Variants in ZNF106 observed in about 807,000 individuals in gnomAD.
The protein encoded by ZNF106 is zinc finger protein 106.
Under a neutral mutation model 195.1 loss-of-function variants are expected in ZNF106, and 67 were observed. The ratio of observed to expected loss-of-function variants is 0.34; its 90% CI spans 0.28 to 0.42. The LOEUF (loss-of-function observed/expected upper bound fraction) is 0.42, where lower values mean the gene tolerates loss of function less well. ZNF106 is among the 10% of genes least tolerant of loss of function. The pLI is 1.00. For synonymous variants in ZNF106, 784 were observed against 818.6 expected, an observed-to-expected ratio of 0.96 and a Z score of 0.72; for missense variants, 2,118 against 2,304.5, an observed-to-expected ratio of 0.92 and a Z score of 1.66.
At position 42,424,009 on chromosome 15, in the gene ZNF106, G is replaced by A. The variant is rs755374835; in HGVS notation, c.5242C>T (p.His1748Tyr). The A allele has an allele frequency of 4.3e-6, 7 of 1,611,994 alleles. No homozygotes were observed. The East Asian group carries it at 1.3e-4, about 31-fold the overall frequency. ...SGSSDQSVHA[H>Y]NIHTGELVRI... is the part of the protein sequence containing the mutation. Reference sequence around the variant, plus strand: ...CCAACACAGCTTACGTGAATGTTGTGAGCATGGACTGACTGATCACTGGAG... The same window carrying A: ...CCAACACAGCTTACGTGAATGTTGTAAGCATGGACTGACTGATCACTGGAG... The change falls in exon 17 of 22, where the codon CAC becomes TAC. Residue 1748 changes from histidine (H) to tyrosine (Y), a missense_variant. Physicochemically the swap from His to Tyr is moderately conservative, Grantham distance 83. Transcript: ENST00000564754.
At chr15:42,435,294 T>C in intron 14 of ZNF106, 90 bp downstream of exon 14, 1 of 1,546,252 alleles carries the variant, frequency 6.5e-7, no homozygotes, top group South Asian at 1.2e-5. Context: ...GTGGGTAGAA[T>C]GAAGCGTCTG....
intron 15 of ZNF106, 197 bp downstream of exon 15, chr15:42,427,821 A>G (rs2141277945): frequency 2.3e-6 from 1 of 427,314 alleles, no homozygotes; most frequent in East Asian, 3.6e-5. Flanking sequence ...TGGTCCTGGA[A>G]CATTTGAGTA....
intron 13 of ZNF106, 109 bp downstream of exon 13, chr15:42,437,123 C>T: frequency 8.4e-7 from 1 of 1,190,242 alleles, no homozygotes; most frequent in Admixed American, 2.4e-5. Flanking sequence ...ATCTCAGGCC[C>T]ACCCCTTCCT....
intron 1 of ZNF106, among the ~76,000 whole-genome samples, chr15:42,487,490 CAAAA>C (rs961444853): frequency 2.2e-5 from 1 of 44,724 alleles, no homozygotes; most frequent in Non-Finnish European, 4.1e-5. Flanking sequence ...GACCCTGTCT[CAAAA>C]AAAAAAAAAA....
In ZNF106 at chr15:42,413,824, A is replaced by C. The variant is rs28364557; in HGVS notation, c.*3480T>G. The C allele has an allele frequency of 6.6e-6, 1 of 152,256 alleles. No homozygotes were observed. The highest frequency in any genetic ancestry group is 2.1e-4 in the South Asian group (1 of 4,834). The allele number at this position is 152,256 out of a possible 1,614,324, so 9.4% of individuals were successfully genotyped here. ...TGACTTTCTCTCAGATTCAAGTAACATCAGGTCAAGATAACCTTTGCTGTT... is the reference window on the plus strand; with the variant it reads ...TGACTTTCTCTCAGATTCAAGTAACCTCAGGTCAAGATAACCTTTGCTGTT... On this transcript the variant is annotated 3_prime_UTR_variant, in exon 22 of 22. Transcript: ENST00000564754.
intron 1 of ZNF106, among the ~76,000 whole-genome samples, 194 bp downstream of exon 1, chr15:42,490,786 G>A (rs1435168663): frequency 6.6e-6 from 1 of 152,118 alleles, no homozygotes; most frequent in African/African-American, 2.4e-5. Context: ...TCCGTACCCC[G>A]AAGCCAGCAG....
intron 3 of ZNF106, among the ~76,000 whole-genome samples, chr15:42,464,561 C>T (rs2056470349): frequency 7.5e-6 from 1 of 133,666 alleles, no homozygotes; most frequent in African/African-American, 2.9e-5. Context: ...CAGGGTCTGG[C>T]TCTGTCACCA....
At chr15:42,453,060 G>A (rs755158706) in intron 4 of ZNF106, among the ~76,000 whole-genome samples, 20 of 152,024 alleles carry the variant, frequency 1.3e-4, no homozygotes, top group Non-Finnish European at 2.6e-4. Context: ...CCAGTTGTAG[G>A]TTCTTTCTGA....
chr15:42,450,570 G>T lies in ZNF106; in HGVS notation c.1702C>A (p.His568Asn). The part of the protein sequence containing the change: ...LRKAKEVLQC[H>N]ESLQNPLLST... ...AGAAGTGGATTTTGCAATGACTCAT[G>T]ACACTGTAGCACCTCTTTGGCCTTT... Residue 568 changes from histidine (H) to asparagine (N), a missense_variant, in exon 5 of 22, where the codon CAT becomes AAT. Transcript: ENST00000564754. 6.2e-7 allele frequency: 1 copy of T among 1,614,140 alleles called. No homozygotes were observed. Among genetic ancestry groups the T allele is most frequent in the Non-Finnish European group, 8.5e-7 (1 of 1,180,034 alleles).
chr15:42,453,501 T>C (rs1469798789), intron 4 of ZNF106, among the ~76,000 whole-genome samples: 1 of 152,216 alleles, frequency 6.6e-6, no homozygotes, highest in Non-Finnish European at 1.5e-5. Context: ...TGAGTACTGC[T>C]AGCTAAAATT....
chr15:42,447,978 C>T, intron 6 of ZNF106, 94 bp downstream of exon 6: 1 of 1,390,512 alleles, frequency 7.2e-7, no homozygotes. Flanking sequence ...AATCACAATC[C>T]CAGATACCCA....
In ZNF106 at chr15:42,451,369, A is replaced by G. The variant is rs1484728756; in HGVS notation, c.903T>C (p.Tyr301=). The G allele has an allele frequency of 6.2e-7, 1 of 1,613,936 alleles. No homozygotes were observed. The highest frequency in any genetic ancestry group is 1.1e-5 in the South Asian group (1 of 91,076). Residue 301 remains tyrosine, a synonymous_variant, in exon 5 of 22, where the codon TAT becomes TAC. Coordinates refer to ENST00000564754, the MANE Select transcript of ZNF106 (RefSeq NM_001366845.3). ...TGTCATTTTCTTGCCGCTGCCAATT[A>G]TATCTGTCGTGACTGTATTTGTTTG... ...NKSNKYSHDR[Y]NWQRQENDKL... is the part of the protein sequence containing the mutation.
chr15:42,437,428 A>T lies in ZNF106; in HGVS notation c.4601-51T>A, dbSNP rs2055324902. ...GACATGTCTGCTAGAGTCTGAAAAG[A>T]TACTCAAAAATCAGAACTATTATAC... On this transcript the variant is annotated intron_variant, in intron 12 of 21. Coordinates refer to ENST00000564754, the MANE Select transcript of ZNF106 (RefSeq NM_001366845.3). 1.9e-6 allele frequency: 3 copies of T among 1,591,284 alleles called. No individual in the cohort carries two copies. In the Admixed American group the frequency reaches 5.5e-5, roughly 29 times the overall value.
At chr15:42,462,846 C>G (rs150524522) in intron 3 of ZNF106, among the ~76,000 whole-genome samples, 2 of 152,144 alleles carry the variant, frequency 1.3e-5, no homozygotes, top group Non-Finnish European at 2.9e-5. Context: ...TGCAGTGGCA[C>G]AATCATAGCT....
intron 2 of ZNF106, among the ~76,000 whole-genome samples, chr15:42,468,524 C>T (rs898758327): frequency 6.6e-6 from 1 of 151,128 alleles, no homozygotes; most frequent in Non-Finnish European, 1.5e-5. Flanking sequence ...GTGGGCGGAT[C>T]AAAAGGTCAG....
chr15:42,417,752 T>TG, intron 21 of ZNF106, 53 bp downstream of exon 21: 1 of 1,545,734 alleles, frequency 6.5e-7, no homozygotes, highest in African/African-American at 1.4e-5. Context: ...TGCTAGCCCC[T>TG]GCTCTGAGCA....
In ZNF106 at chr15:42,440,998, AATATATATATATATATATATATATAT is replaced by A. The variant is rs56924955; in HGVS notation, c.3763+1049_3763+1074del. ...AAACTCTGTCTAAAAAAAAAAAAAA[AATATATATATATATATATATATATAT>A]ATATATATATATATATATATATATG... On this transcript the variant is annotated intron_variant, in intron 10 of 21. Coordinates refer to ENST00000564754, the MANE Select transcript of ZNF106 (RefSeq NM_001366845.3). 3.7e-3 allele frequency among the ~76,000 whole-genome samples: 88 copies of A among 23,584 alleles called. 10 individuals are homozygous for A. The Middle Eastern group carries it at 0.083, about 22-fold the overall frequency. 15.5% of individuals were successfully genotyped at this position (23,584 alleles called of 152,430 possible). A position where few individuals can be genotyped will look rare whatever the true frequency, so the allele number is the denominator to read the frequency against.
At chr15:42,477,845 G>A (rs1172158476) in intron 1 of ZNF106, among the ~76,000 whole-genome samples, 10 of 151,822 alleles carry the variant, frequency 6.6e-5, no homozygotes, top group Admixed American at 5.2e-4. Flanking sequence ...AGCCAAAATC[G>A]GGCCACTGCA....
In ZNF106 at chr15:42,428,024, G is replaced by A. The variant is rs1262272355; in HGVS notation, c.4992C>T (p.Asn1664=). The change falls in exon 15 of 22, where the codon AAC becomes AAT. Residue 1664 remains asparagine, a synonymous_variant. Transcript: ENST00000564754. ...TTCTCCTCCAACCACTAACCTTTAT[G>A]TTGAAGGTGACCACAGTGCCATTTG... is the stretch of plus-strand genomic sequence containing the variant. The part of the protein sequence containing the change: ...GLANGTVVTF[N]IKNNKRLEIF... 6.2e-7 allele frequency: 1 copy of A among 1,613,518 alleles called. No individual in the cohort carries two copies. The highest frequency in any genetic ancestry group is 1.1e-5 in the South Asian group (1 of 91,074).
Sources: gnomAD v4.1 joint callset for allele counts (sites outside exome capture counted in the v4.1 genomes callset) on GRCh38, gnomAD v4.1.1 for gene constraint, MANE v1.5 for transcripts, NCBI Gene and HGNC (gene_info 2026-07-23, HGNC 2026-07-21) for gene names.